The following MCM5 variants were observed in gnomAD, a reference collection of about 807,000 sequenced individuals.
MCM5 encodes DNA replication licensing factor MCM5.
In MCM5, 46 loss-of-function variants were observed where a neutral mutation model predicts 79.9. The observed-to-expected ratio is 0.58, with a 90% CI of 0.45 to 0.74. The LOEUF (loss-of-function observed/expected upper bound fraction) is 0.74. Ranked by LOEUF, MCM5 falls within the 30% of genes least tolerant of loss-of-function variation. The probability of loss-of-function intolerance (pLI) is 0.00; values close to 1 mark genes in which losing one functional copy is unlikely to be tolerated. For missense variants in MCM5, 883 were observed against 1,017.0 expected (o/e 0.87, Z 1.79); for synonymous variants, 404 against 390.5 (o/e 1.03, Z -0.41).
At chr22:35,452,196 C>A in the MCM5 span, among the ~76,000 whole-genome samples, 2 of 152,184 alleles carry the variant, frequency 1.3e-5, no homozygotes, top group Admixed American at 1.3e-4. Context: ...CCTCCCTGGT[C>A]CTCCAACAGC....
In MCM5 at chr22:35,402,615, G is replaced by A. The variant is rs550077549; in HGVS notation, c.168-592G>A. 6.6e-5 allele frequency among the ~76,000 whole-genome samples: 10 copies of A among 151,780 alleles called. No individual in the cohort carries two copies. The South Asian group carries it at 1.9e-3, about 28-fold the overall frequency. On this transcript the variant is annotated intron_variant, in intron 2 of 16. Transcript: ENST00000216122. The stretch of plus-strand genomic sequence containing the variant: ...GTCGCCCAGGCTGGAGTGCCCTGGC[G>A]AGATCTCTGGTCACTGCAGCCTCCA...
intron 14 of MCM5, among the ~76,000 whole-genome samples, chr22:35,420,405 G>C (rs1932666305): frequency 6.6e-6 from 1 of 152,210 alleles, no homozygotes; most frequent in African/African-American, 2.4e-5. Flanking sequence ...GTTCATTCTT[G>C]TGACTTTGTA....
In MCM5 at chr22:35,424,241, T is replaced by C; in HGVS notation, c.2191T>C (p.Tyr731His). The change falls in exon 17 of 17, where the codon TAC (tyrosine) becomes CAC (histidine). Residue 731 changes from tyrosine to histidine, a missense_variant. Transcript: ENST00000216122. ...IQHRMQRKVL[Y>H]RLK is the part of the protein sequence containing the mutation. The stretch of plus-strand genomic sequence containing the variant: ...GCATCGCATGCAGCGCAAGGTTCTC[T>C]ACCGCCTCAAGTGAGTCGCGCCGCC... 1 of 1,548,082 alleles carries C rather than the reference T, an allele frequency of 6.5e-7. No individual in the cohort carries two copies. Among genetic ancestry groups the C allele is most frequent in the Non-Finnish European group, 8.7e-7 (1 of 1,145,074 alleles).
At chr22:35,453,853 G>GAGAT in the MCM5 span, among the ~76,000 whole-genome samples, 1 of 149,664 alleles carries the variant, frequency 6.7e-6, no homozygotes, top group Non-Finnish European at 1.5e-5. Context: ...GAGAGATAGG[G>GAGAT]AGAGGGAGAG....
At chr22:35,447,986 G>A in the MCM5 span, among the ~76,000 whole-genome samples, 1 of 152,216 alleles carries the variant, frequency 6.6e-6, no homozygotes, top group Non-Finnish European at 1.5e-5. Flanking sequence ...GAATGACCCA[G>A]CAGGTTTGAT....
chr22:35,409,247 G>T (rs994126605), intron 6 of MCM5, among the ~76,000 whole-genome samples: 1 of 152,060 alleles, frequency 6.6e-6, no homozygotes, highest in African/African-American at 2.4e-5. Context: ...ACAGGCGTGA[G>T]CTACTGCGCC....
At chr22:35,412,425 G>A (rs1932409127) in intron 7 of MCM5, 85 bp from the exon 8 acceptor site, 1 of 1,201,150 alleles carries the variant, frequency 8.3e-7, no homozygotes, top group Admixed American at 2.8e-5. Context: ...CTGCCTTCTG[G>A]GAGGTCCCTG....
At chr22:35,432,761 G>A in the MCM5 span, among the ~76,000 whole-genome samples, 3 of 152,060 alleles carry the variant, frequency 2.0e-5, no homozygotes, top group Non-Finnish European at 2.9e-5. Flanking sequence ...GAGGGGGTTG[G>A]GGATTGGGGC....
At chr22:35,422,663 AC>A (rs1354727089) in intron 15 of MCM5, 1 of 152,180 alleles carries the variant, frequency 6.6e-6, no homozygotes, top group African/African-American at 2.4e-5. Context: ...AGTTTGCCTC[AC>A]AGACTCCCCT....
chr22:35,444,348 G>A, the MCM5 span, among the ~76,000 whole-genome samples: 1 of 152,260 alleles, frequency 6.6e-6, no homozygotes, highest in East Asian at 1.9e-4. Context: ...AGCAGAGGGC[G>A]TTAGGCAGGG....
At position 35,423,291 on chromosome 22, in the gene MCM5, A is replaced by G. The variant is rs201891637; in HGVS notation, c.2053A>G (p.Ile685Val). 1.9e-6 allele frequency: 3 copies of G among 1,609,090 alleles called. No homozygotes were observed. The East Asian group carries it at 6.7e-5, about 36-fold the overall frequency. Reference sequence around the variant, plus strand: ...GAAGCAGCTCAAGCGCCGCTTTGCCATTGGCTCCCAGGTGTCTGAGCACAG... The same window carrying G: ...GAAGCAGCTCAAGCGCCGCTTTGCCGTTGGCTCCCAGGTGTCTGAGCACAG... ...IEKQLKRRFA[I>V]GSQVSEHSII... Residue 685 changes from isoleucine to valine, a missense_variant, in exon 16 of 17, where the codon ATT (isoleucine) becomes GTT (valine). This residue lies in a region of MCM5 where 426 missense variants were observed against 482.3 expected (regional missense o/e 0.88). Coordinates refer to ENST00000216122, the MANE Select transcript of MCM5 (RefSeq NM_006739.4).
chr22:35,438,668 T>TCC, the MCM5 span, among the ~76,000 whole-genome samples: 1 of 34,190 alleles, frequency 2.9e-5, no homozygotes, highest in Non-Finnish European at 6.0e-5. Flanking sequence ...TCCATCCACA[T>TCC]ATTCACCCAT....
intron 13 of MCM5, among the ~76,000 whole-genome samples, chr22:35,419,444 TC>T (rs1270533934): frequency 6.6e-6 from 1 of 152,152 alleles, no homozygotes; most frequent in Admixed American, 6.5e-5. Flanking sequence ...CCTGTGGGTG[TC>T]ATCAGCTTGT....
At chr22:35,408,696 C>G (rs1932290455) in intron 6 of MCM5, 133 bp downstream of exon 6, 11 of 868,832 alleles carry the variant, frequency 1.3e-5, no homozygotes, top group Admixed American at 5.5e-5. Context: ...TGCAGAGCAC[C>G]TGCTCTGTGC....
chr22:35,434,671 A>G, the MCM5 span, among the ~76,000 whole-genome samples: 2 of 152,206 alleles, frequency 1.3e-5, no homozygotes, highest in Non-Finnish European at 2.9e-5. Context: ...AGGAGGAACT[A>G]TTAGTGAATG....
downstream of MCM5, among the ~76,000 whole-genome samples, chr22:35,425,849 G>A (rs1048206311): frequency 2.6e-5 from 4 of 152,036 alleles, no homozygotes; most frequent in Non-Finnish European, 4.4e-5. Flanking sequence ...GTGGTGGGTG[G>A]TGCTGCTGTG....
At position 35,417,755 on chromosome 22, in the gene MCM5, G is replaced by A. The variant is rs757824156; in HGVS notation, c.1602G>A (p.Lys534=). ...CCTCTGCTCTCCAGATGCTGGCCAAGCATGTCATCACTCTGCACGTGAGCG... is the reference window on the plus strand; with the variant it reads ...CCTCTGCTCTCCAGATGCTGGCCAAACATGTCATCACTCTGCACGTGAGCG... ...HNEERDVMLA[K]HVITLHVSAL... The change falls in exon 13 of 17, where the codon AAG becomes AAA. Residue 534 remains lysine, a synonymous_variant. Coordinates refer to ENST00000216122, the MANE Select transcript of MCM5 (RefSeq NM_006739.4). 1 of 1,613,606 alleles carries A rather than the reference G, an allele frequency of 6.2e-7. No homozygotes were observed. The highest frequency in any genetic ancestry group is 8.5e-7 in the Non-Finnish European group (1 of 1,179,510).
chr22:35,401,701 G>C, intron 2 of MCM5: 2 of 470,946 alleles, frequency 4.2e-6, no homozygotes, highest in South Asian at 1.5e-5. Flanking sequence ...CAGGCACTGC[G>C]CTACAAAGAT....
intron 9 of MCM5, 114 bp downstream of exon 9, chr22:35,414,100 C>G (rs949512982): frequency 6.0e-6 from 4 of 666,590 alleles, no homozygotes; most frequent in Non-Finnish European, 8.1e-6. Flanking sequence ...GAATCTCTTC[C>G]TCCTTTCTCT....
Sources: gnomAD v4.1 joint callset for allele counts (sites outside exome capture counted in the v4.1 genomes callset) on GRCh38, gnomAD v4.1.1 for gene constraint, gnomAD v4.1.1 regional missense constraint, MANE v1.5 for transcripts, NCBI Gene and HGNC (gene_info 2026-07-23, HGNC 2026-07-21) for gene names.